FRMD4A: variants seen among roughly 807,000 people sequenced by gnomAD.
The protein encoded by FRMD4A is FERM domain-containing protein 4A.
In FRMD4A, 29 loss-of-function variants were observed where a neutral mutation model predicts 129.1. That is an observed-to-expected ratio of 0.22 (90% confidence interval 0.17 to 0.31). The LOEUF (loss-of-function observed/expected upper bound fraction) is 0.31, where lower values mean the gene tolerates loss of function less well. FRMD4A is among the 10% of genes least tolerant of loss of function. The probability of loss-of-function intolerance (pLI) is 1.00; values close to 1 mark genes in which losing one functional copy is unlikely to be tolerated. For missense variants in FRMD4A, 1,272 were observed against 1,375.8 expected (o/e 0.92, Z 1.19); for synonymous variants, 634 against 571.6 (o/e 1.11, Z -1.56).
intron 2 of FRMD4A, among the ~76,000 whole-genome samples, chr10:14,096,448 G>A (rs1836966249): frequency 1.3e-5 from 2 of 152,242 alleles, no homozygotes; most frequent in Non-Finnish European, 2.9e-5. Flanking sequence ...CAGTTATGGA[G>A]AGAGACTTCT....
chr10:13,837,302 G>A (rs1358868316), intron 3 of FRMD4A, among the ~76,000 whole-genome samples: 1 of 152,162 alleles, frequency 6.6e-6, no homozygotes, highest in Non-Finnish European at 1.5e-5. Context: ...TCAGTGAGCT[G>A]CAAAGAAACT....
chr10:13,744,435 A>T (rs1031153412), intron 9 of FRMD4A: 1 of 152,222 alleles, frequency 6.6e-6, no homozygotes, highest in Non-Finnish European at 1.5e-5. Flanking sequence ...ACCATAACTC[A>T]GCATTATTAT....
intron 2 of FRMD4A, chr10:14,083,741 T>C (rs1328659279): frequency 1.3e-5 from 2 of 152,150 alleles, no homozygotes; most frequent in Non-Finnish European, 2.9e-5. Context: ...AATTCCCTCA[T>C]TTATGGCAGC....
At chr10:13,860,761 C>T (rs564912702) in intron 2 of FRMD4A, among the ~76,000 whole-genome samples, 1 of 152,098 alleles carries the variant, frequency 6.6e-6, no homozygotes, top group Non-Finnish European at 1.5e-5. Context: ...CAGTGCCTGG[C>T]CCTAAGGGAG....
At chr10:14,041,980 C>T (rs1160016794) in intron 2 of FRMD4A, among the ~76,000 whole-genome samples, 1 of 152,142 alleles carries the variant, frequency 6.6e-6, no homozygotes, top group Non-Finnish European at 1.5e-5. Flanking sequence ...ACTGCAAGAT[C>T]CTTATTCCAG....
intron 5 of FRMD4A, among the ~76,000 whole-genome samples, chr10:13,784,434 G>A (rs1284410227): frequency 6.6e-6 from 1 of 152,192 alleles, no homozygotes; most frequent in Non-Finnish European, 1.5e-5. Context: ...ATCGTATAAG[G>A]TGAACAAACT....
intron 2 of FRMD4A, among the ~76,000 whole-genome samples, chr10:14,093,950 T>C (rs899727723): frequency 1.3e-5 from 2 of 152,128 alleles, no homozygotes; most frequent in African/African-American, 2.4e-5. Context: ...AAGAAGATGC[T>C]TTTTTAAAAG....
At chr10:14,241,331 T>G (rs754929128) in intron 2 of FRMD4A, among the ~76,000 whole-genome samples, 2 of 152,180 alleles carry the variant, frequency 1.3e-5, no homozygotes, top group Non-Finnish European at 2.9e-5. Flanking sequence ...CTCTTTAAAC[T>G]CAATAGTAAC....
At chr10:13,865,740 G>C (rs946199565) in intron 2 of FRMD4A, among the ~76,000 whole-genome samples, 3 of 152,016 alleles carry the variant, frequency 2.0e-5, no homozygotes, top group African/African-American at 7.2e-5. Context: ...CTGGCCTAGA[G>C]CATTTTTATA....
In FRMD4A at chr10:13,821,594, A is replaced by G. The variant is rs1003474817; in HGVS notation, c.112-10686T>C. Among the ~76,000 whole-genome samples the G allele has an allele frequency of 2.0e-5, 3 of 152,220 alleles. No homozygotes were observed. The highest frequency in any genetic ancestry group is 7.2e-5 in the African/African-American group (3 of 41,456). On this transcript the variant is annotated intron_variant, in intron 3 of 24. Coordinates refer to ENST00000357447, the MANE Select transcript of FRMD4A (RefSeq NM_018027.5). The surrounding 1 kb of genome is among the most constrained non-coding windows in gnomAD (Gnocchi z 4.3). ...TCCCCGCCTGCAGCTGCTACTTCAC[A>G]TGAATTCATGCAGCCAGCCCTAGAA...
intron 2 of FRMD4A, among the ~76,000 whole-genome samples, chr10:14,209,807 G>T (rs1842887627): frequency 6.6e-6 from 1 of 151,822 alleles, no homozygotes; most frequent in Non-Finnish European, 1.5e-5. Context: ...AGGACCACTT[G>T]AACCCAGGAG....
At chr10:13,798,703 C>T (rs2091578) in intron 4 of FRMD4A, among the ~76,000 whole-genome samples, 148,468 of 152,266 alleles carry the variant, frequency 0.98, 72,453 homozygotes, top group East Asian at 1. Flanking sequence ...GGTGACAGAG[C>T]GAGACTCCGT....
chr10:13,672,565 C>T (rs1407754965), intron 16 of FRMD4A, among the ~76,000 whole-genome samples: 1 of 152,096 alleles, frequency 6.6e-6, no homozygotes, highest in African/African-American at 2.4e-5. Flanking sequence ...TCACCATCCA[C>T]TTGAAGGTAT....
intron 2 of FRMD4A, among the ~76,000 whole-genome samples, chr10:13,928,214 G>A (rs2095156190): frequency 6.6e-6 from 1 of 151,828 alleles, no homozygotes; most frequent in South Asian, 2.1e-4. Flanking sequence ...CATAGAAGAA[G>A]TCTTGCTACG....
At chr10:14,037,279 TC>T (rs1451763359) in intron 2 of FRMD4A, among the ~76,000 whole-genome samples, 1 of 152,214 alleles carries the variant, frequency 6.6e-6, no homozygotes, top group Non-Finnish European at 1.5e-5. Context: ...CGTTCTGTCA[TC>T]CAGGCTGGAG....
At chr10:13,929,577 A>G (rs2095171162) in intron 2 of FRMD4A, among the ~76,000 whole-genome samples, 1 of 152,222 alleles carries the variant, frequency 6.6e-6, no homozygotes, top group African/African-American at 2.4e-5. Flanking sequence ...AAAACCTGGA[A>G]TTTAGGCTTA....
At chr10:13,905,817 G>A (rs2094876478) in intron 2 of FRMD4A, among the ~76,000 whole-genome samples, 1 of 152,186 alleles carries the variant, frequency 6.6e-6, no homozygotes, top group Non-Finnish European at 1.5e-5. Context: ...TTCCGTCATG[G>A]CTTAATTTTG....
At chr10:13,799,377 C>T (rs963797664) in intron 4 of FRMD4A, among the ~76,000 whole-genome samples, 4 of 152,194 alleles carry the variant, frequency 2.6e-5, no homozygotes, top group African/African-American at 4.8e-5. Context: ...AGGCTGGTCA[C>T]AAACTCCTGA....
chr10:14,064,910 A>C (rs1447187271), intron 2 of FRMD4A, among the ~76,000 whole-genome samples: 1 of 152,144 alleles, frequency 6.6e-6, no homozygotes, highest in Non-Finnish European at 1.5e-5. Context: ...GAAGCAATGG[A>C]TCATTCATTG....
Sources: gnomAD v4.1 joint callset for allele counts (sites outside exome capture counted in the v4.1 genomes callset) on GRCh38, gnomAD v4.1.1 for gene constraint, Gnocchi (gnomAD v3.1) non-coding constraint, MANE v1.5 for transcripts, NCBI Gene and HGNC (gene_info 2026-07-23, HGNC 2026-07-21) for gene names.